The following FRMPD4 variants were observed in gnomAD, a reference collection of about 807,000 sequenced individuals.
The protein encoded by FRMPD4 is FERM and PDZ domain-containing protein 4.
A neutral mutation model predicts 94.1 loss-of-function variants in FRMPD4; 22 were observed. That is an observed-to-expected ratio of 0.23 (90% CI 0.17 to 0.33). The LOEUF is 0.33. Among genes scored for constraint, FRMPD4 ranks in the 10% least tolerant of loss-of-function variants. The probability of loss-of-function intolerance (pLI) is 1.00; values close to 1 mark genes in which losing one functional copy is unlikely to be tolerated. For missense variants in FRMPD4, 1,111 were observed against 1,339.9 expected (o/e 0.83, Z 2.67); for synonymous variants, 631 against 548.6 (o/e 1.15, Z -2.10).
chrX:12,718,142 G>A lies in FRMPD4; in HGVS notation c.3316G>A (p.Gly1106Arg), dbSNP rs1430480740. Residue 1106 changes from glycine (G) to arginine (R), a missense_variant, in exon 16 of 17, where the codon GGA becomes AGA. Coordinates refer to ENST00000675598, the MANE Select transcript of FRMPD4 (RefSeq NM_001368397.1). ...TGAAGGTGGGATGGCTGAAAAAAGT[G>A]GATTAGAAGCAGCAACAGGGAAAAC... is the stretch of plus-strand genomic sequence containing the variant. ...ATEGGMAEKSGLEAATGKTFP... is the reference protein window; with the variant it reads ...ATEGGMAEKSRLEAATGKTFP... 2 of 1,210,144 alleles carry A rather than the reference G, an allele frequency of 1.7e-6. No homozygotes were observed. The highest frequency in any genetic ancestry group is 1.7e-5 in the African/African-American group (1 of 57,169).
At chrX:11,873,809 C>A (rs1213664819) in intron 2 of FRMPD4, among the ~76,000 whole-genome samples, 1 of 109,783 alleles carries the variant, frequency 9.1e-6, no homozygotes, top group Non-Finnish European at 1.9e-5. Flanking sequence ...AAAAGAAGAA[C>A]AAAATTGCAG....
At chrX:12,137,661 T>C (rs1430461018), upstream of FRMPD4, among the ~76,000 whole-genome samples, 1 of 111,425 alleles carries the variant, frequency 9.0e-6, no homozygotes, top group Non-Finnish European at 1.9e-5. Context: ...TCCCAGGAGG[T>C]AGAACTGAGT....
chrX:12,342,187 A>G (rs1177691789), intron 1 of FRMPD4, among the ~76,000 whole-genome samples: 1 of 112,187 alleles, frequency 8.9e-6, no homozygotes, highest in Non-Finnish European at 1.9e-5. Context: ...TGTAAAAGGA[A>G]TAAAATAACA....
intron 1 of FRMPD4, among the ~76,000 whole-genome samples, chrX:12,383,630 C>T (rs775912589): frequency 9.0e-6 from 1 of 111,437 alleles, no homozygotes; most frequent in South Asian, 3.9e-4. Flanking sequence ...GAGTTCAGCA[C>T]GACGCCTAGC....
At chrX:12,641,204 A>G (rs866205643) in intron 4 of FRMPD4, among the ~76,000 whole-genome samples, 2 of 111,264 alleles carry the variant, frequency 1.8e-5, no homozygotes, top group Non-Finnish European at 3.8e-5. Flanking sequence ...GGGGAGTGGG[A>G]CCTGGAAGAA....
chrX:12,411,955 G>GA (rs1164703736), intron 1 of FRMPD4, among the ~76,000 whole-genome samples: 3 of 111,613 alleles, frequency 2.7e-5, no homozygotes, highest in South Asian at 3.8e-4. Context: ...TGTCCCCTAG[G>GA]AAAAAACCTG....
chrX:11,914,068 A>G (rs1701605811), intron 3 of FRMPD4, among the ~76,000 whole-genome samples: 1 of 112,345 alleles, frequency 8.9e-6, no homozygotes, highest in African/African-American at 3.2e-5. Flanking sequence ...TGAAGAACAT[A>G]GTCTAAAACT....
At chrX:11,995,734 A>G (rs1440952514) in intron 3 of FRMPD4, among the ~76,000 whole-genome samples, 1 of 112,255 alleles carries the variant, frequency 8.9e-6, no homozygotes. Flanking sequence ...CCAAACAAGC[A>G]TATCAACTTC....
chrX:12,408,930 C>G (rs2056698807), intron 1 of FRMPD4, among the ~76,000 whole-genome samples: 1 of 110,872 alleles, frequency 9.0e-6, no homozygotes, highest in South Asian at 3.9e-4. Context: ...GAATATCCCC[C>G]CCTTGGCTAG....
chrX:11,827,079 TATATATAA>T (rs1421783720), intron 1 of FRMPD4, among the ~76,000 whole-genome samples: 1 of 99,057 alleles, frequency 1.0e-5, no homozygotes, highest in African/African-American at 3.8e-5. Flanking sequence ...TATATATATA[TATATATAA>T]AATATATATG....
At chrX:12,019,093 A>G (rs770580249) in intron 3 of FRMPD4, among the ~76,000 whole-genome samples, 1 of 111,738 alleles carries the variant, frequency 8.9e-6, no homozygotes, top group Non-Finnish European at 1.9e-5. Flanking sequence ...TGAGATAAAT[A>G]AAGAACTCTG....
At chrX:12,310,373 A>G (rs952978162) in intron 1 of FRMPD4, among the ~76,000 whole-genome samples, 1 of 111,108 alleles carries the variant, frequency 9.0e-6, no homozygotes, top group African/African-American at 3.3e-5. Context: ...GGGGCAGGGC[A>G]TATTCACTTC....
intron 1 of FRMPD4, among the ~76,000 whole-genome samples, chrX:12,392,372 T>C (rs1252677726): frequency 1.0e-5 from 1 of 98,219 alleles, no homozygotes; most frequent in Non-Finnish European, 2.1e-5. Context: ...AAATCTAGGC[T>C]GGGTGCGGTG....
chrX:12,593,291 T>C (rs922773067), intron 2 of FRMPD4, among the ~76,000 whole-genome samples: 1 of 112,223 alleles, frequency 8.9e-6, no homozygotes, highest in Admixed American at 9.5e-5. Flanking sequence ...CTACATTGCC[T>C]TTGGGTCTCC....
intron 1 of FRMPD4, among the ~76,000 whole-genome samples, chrX:12,308,651 A>G (rs2054982869): frequency 9.0e-6 from 1 of 111,372 alleles, no homozygotes; most frequent in Non-Finnish European, 1.9e-5. Context: ...GGGGTGGATG[A>G]CAGAGACCAG....
chrX:12,517,690 G>A (rs56205318), intron 2 of FRMPD4, among the ~76,000 whole-genome samples: 3,519 of 112,405 alleles, frequency 0.031, 145 homozygotes, highest in African/African-American at 0.11. Flanking sequence ...GGAGGCACAG[G>A]ATCCAGGACC....
chrX:12,232,790 G>A (rs936891150), intron 1 of FRMPD4, among the ~76,000 whole-genome samples: 6 of 111,739 alleles, frequency 5.4e-5, no homozygotes, highest in African/African-American at 1.6e-4. Flanking sequence ...TATAATCAGC[G>A]ATGAGCTGGG....
chrX:12,707,416 G>A, intron 12 of FRMPD4, 53 bp from the exon 13 acceptor site: 3 of 915,392 alleles, frequency 3.3e-6, no homozygotes, highest in South Asian at 2.3e-5. Flanking sequence ...GTTCAAGTTG[G>A]CATAGCATTT....
chrX:12,173,884 G>C (rs1026697494), intron 1 of FRMPD4, among the ~76,000 whole-genome samples: 1 of 111,051 alleles, frequency 9.0e-6, no homozygotes, highest in Non-Finnish European at 1.9e-5. Flanking sequence ...GGATGGCCCC[G>C]GAAGATAGCT....
Sources: allele counts gnomAD v4.1 joint callset (sites outside exome capture counted in the v4.1 genomes callset), GRCh38; gene constraint gnomAD v4.1.1; transcripts MANE v1.5; gene names NCBI Gene and HGNC (gene_info 2026-07-23, HGNC 2026-07-21).